The following DHRSX variants were observed in gnomAD, a reference collection of about 807,000 sequenced individuals.
DHRSX encodes the protein polyprenol dehydrogenase.
Under a neutral mutation model 34.0 loss-of-function variants are expected in DHRSX, and 31 were observed. That is an observed-to-expected ratio of 0.91 (90% CI 0.69 to 1.23). The LOEUF is 1.23. Ranked by LOEUF, DHRSX falls within the 50% of genes most tolerant of loss-of-function variation. The pLI is 0.00. For missense variants in DHRSX, 414 were observed against 428.1 expected (o/e 0.97, Z 0.29); for synonymous variants, 201 against 183.8 (o/e 1.09, Z -0.76).
chrX:2,250,564 A>G (rs953371094), intron 5 of DHRSX, among the ~76,000 whole-genome samples: 12 of 151,920 alleles, frequency 7.9e-5, no homozygotes, highest in Non-Finnish European at 1.3e-4. Flanking sequence ...GCATCTGTAA[A>G]CCGTCTCTTA....
chrX:2,451,372 C>G (rs1315017266), intron 1 of DHRSX, among the ~76,000 whole-genome samples: 1 of 152,068 alleles, frequency 6.6e-6, no homozygotes, highest in African/African-American at 2.4e-5. Context: ...CCCAAGTCTA[C>G]ACGAATATAA....
intron 3 of DHRSX, among the ~76,000 whole-genome samples, chrX:2,305,630 C>T (rs2042088926): frequency 1.3e-5 from 2 of 152,102 alleles, no homozygotes; most frequent in African/African-American, 4.8e-5. Context: ...GAAAATGTGG[C>T]ACATAGACAC....
Position 2,451,184 on chromosome X carries a change from G to C in DHRSX, c.110-25880C>G, listed in dbSNP as rs755498934. 1.1e-4 allele frequency among the ~76,000 whole-genome samples: 17 copies of C among 150,300 alleles called. No individual in the cohort carries two copies. The South Asian group carries it at 2.9e-3, about 26-fold the overall frequency. On this transcript the variant is annotated intron_variant, in intron 1 of 6. Coordinates refer to ENST00000334651, the MANE Select transcript of DHRSX (RefSeq NM_145177.3). ...GGAGGCGGAGGGTGCAGTGAGCTGA[G>C]ATCACAGCACTGCACTCCAGCCTGG... is the stretch of plus-strand genomic sequence containing the variant.
intron 6 of DHRSX, among the ~76,000 whole-genome samples, chrX:2,236,080 C>A (rs1206962103): frequency 1.3e-5 from 2 of 151,470 alleles, no homozygotes; most frequent in African/African-American, 4.8e-5. Context: ...CCATTGTACT[C>A]CAGCCTGGGT....
intron 3 of DHRSX, among the ~76,000 whole-genome samples, chrX:2,328,143 G>A (rs1394363464): frequency 3.3e-5 from 5 of 151,688 alleles, no homozygotes; most frequent in Admixed American, 2.0e-4. Flanking sequence ...CGAGGACACA[G>A]TGAGAAGATG....
intron 4 of DHRSX, among the ~76,000 whole-genome samples, chrX:2,285,094 T>G (rs997062830): frequency 5.9e-5 from 9 of 152,148 alleles, no homozygotes; most frequent in Non-Finnish European, 1.3e-4. Context: ...GGGACCACTT[T>G]TGTGAAAGAC....
chrX:2,329,948 A>G (rs995959639), intron 3 of DHRSX, among the ~76,000 whole-genome samples: 3 of 151,890 alleles, frequency 2.0e-5, no homozygotes, highest in African/African-American at 4.8e-5. Flanking sequence ...CCAAGGATAC[A>G]AAAGGTAAAA....
chrX:2,500,441 C>T (rs1432119634), intron 1 of DHRSX: 2 of 164,370 alleles, frequency 1.2e-5, no homozygotes, highest in East Asian at 1.9e-4. Context: ...GCGGGGCGTG[C>T]GAGCCCCCGG....
At chrX:2,366,210 G>A (rs2042992470) in intron 3 of DHRSX, among the ~76,000 whole-genome samples, 1 of 152,110 alleles carries the variant, frequency 6.6e-6, no homozygotes, top group Non-Finnish European at 1.5e-5. Flanking sequence ...GGGAGGCCGA[G>A]GCAGGTGGAT....
intron 3 of DHRSX, among the ~76,000 whole-genome samples, chrX:2,322,352 C>T (rs747478794): frequency 1.4e-3 from 208 of 152,054 alleles, no homozygotes; most frequent in African/African-American, 4.8e-3. Flanking sequence ...AGTTCAAGAC[C>T]AGCCTGACCA....
At position 2,337,002 on chromosome X, in the gene DHRSX, C is replaced by T. The variant is rs767808304; in HGVS notation, c.287-45399G>A. ...CCTGCTTGCATTAGAAATGGGGTTT[C>T]GCCATGTTGGCCAGGCTGGTCTTGA... On this transcript the variant is annotated intron_variant, in intron 3 of 6. Coordinates refer to ENST00000334651, the MANE Select transcript of DHRSX (RefSeq NM_145177.3). Among the ~76,000 whole-genome samples the T allele has an allele frequency of 1.1e-4, 17 of 152,182 alleles. No homozygotes were observed. In the East Asian group the frequency reaches 1.7e-3, roughly 16 times the overall value.
At chrX:2,304,507 A>C (rs1204879662) in intron 3 of DHRSX, among the ~76,000 whole-genome samples, 1 of 152,062 alleles carries the variant, frequency 6.6e-6, no homozygotes, top group Non-Finnish European at 1.5e-5. Context: ...TGTCTCAGGA[A>C]TAGTTTAGTG....
In DHRSX at chrX:2,342,125, G is replaced by C. The variant is rs2042648677; in HGVS notation, c.287-50522C>G. Among the ~76,000 whole-genome samples the C allele has an allele frequency of 2.6e-5, 4 of 152,094 alleles. No individual in the cohort carries two copies. In the Admixed American group the frequency reaches 2.6e-4, roughly 10 times the overall value. ...CCGGCCGATTTAGAAGCTTTTGTTT[G>C]TGGGCGTGAAGGTTCAGTAAGAGCT... On this transcript the variant is annotated intron_variant, in intron 3 of 6. Coordinates refer to ENST00000334651, the MANE Select transcript of DHRSX (RefSeq NM_145177.3).
chrX:2,451,054 C>T (rs1214246819), intron 1 of DHRSX, among the ~76,000 whole-genome samples: 1 of 152,020 alleles, frequency 6.6e-6, no homozygotes, highest in Non-Finnish European at 1.5e-5. Context: ...ACCTTTAGAA[C>T]TGTGAGTGAC....
chrX:2,361,335 G>C (rs1603005919), intron 3 of DHRSX, among the ~76,000 whole-genome samples: 1 of 152,066 alleles, frequency 6.6e-6, no homozygotes, highest in South Asian at 2.1e-4. Context: ...TCAAACTCCT[G>C]ACTTCGTGAT....
At chrX:2,403,412 C>G (rs1160451972) in intron 3 of DHRSX, among the ~76,000 whole-genome samples, 1 of 152,150 alleles carries the variant, frequency 6.6e-6, no homozygotes, top group Non-Finnish European at 1.5e-5. Context: ...GGCTTAAAGG[C>G]CATCGGTATT....
intron 6 of DHRSX, among the ~76,000 whole-genome samples, chrX:2,234,694 CACTTTTTATTTTATTATTTT>C (rs1273759008): frequency 2.0e-5 from 3 of 152,114 alleles, no homozygotes; most frequent in Non-Finnish European, 4.4e-5. Flanking sequence ...TGCACGTTTC[CACTTTTTATTTTATTATTTT>C]ACTTTTTATT....
At chrX:2,461,016 C>T (rs1222701444) in intron 1 of DHRSX, among the ~76,000 whole-genome samples, 1 of 152,100 alleles carries the variant, frequency 6.6e-6, no homozygotes, top group Non-Finnish European at 1.5e-5. Flanking sequence ...CCATTGTGCC[C>T]GGCCTCATAC....
chrX:2,471,045 A>G (rs1198433165), intron 1 of DHRSX, among the ~76,000 whole-genome samples: 1 of 152,218 alleles, frequency 6.6e-6, no homozygotes. Flanking sequence ...TACGTGGATT[A>G]AAACATCACG....
Sources: allele counts gnomAD v4.1 joint callset (sites outside exome capture counted in the v4.1 genomes callset), GRCh38; gene constraint gnomAD v4.1.1; transcripts MANE v1.5; gene names NCBI Gene and HGNC (gene_info 2026-07-23, HGNC 2026-07-21).